DNM2: variants seen among roughly 807,000 people sequenced by gnomAD.
The protein encoded by DNM2 is dynamin-2.
In DNM2, 15 loss-of-function variants were observed where a neutral mutation model predicts 99.0. The observed-to-expected ratio is 0.15, with a 90% CI of 0.10 to 0.23. The LOEUF is 0.23. Ranked by LOEUF, DNM2 falls within the 10% of genes least tolerant of loss-of-function variation. The pLI, the probability that DNM2 is intolerant of heterozygous loss-of-function variation, is 1.00. For missense variants in DNM2, 742 were observed against 1,189.4 expected (o/e 0.62, Z 5.53); for synonymous variants, 525 against 481.2 (o/e 1.09, Z -1.19).
intron 11 of DNM2, among the ~76,000 whole-genome samples, chr19:10,801,912 A>G (rs2072159407): frequency 6.6e-6 from 1 of 151,514 alleles, no homozygotes; most frequent in Non-Finnish European, 1.5e-5. Flanking sequence ...CTCGAAGAAA[A>G]AAAAAAAAAA....
chr19:10,814,703 A>T (rs1415718664), intron 15 of DNM2, among the ~76,000 whole-genome samples: 2 of 151,704 alleles, frequency 1.3e-5, no homozygotes, highest in East Asian at 3.9e-4. Context: ...GCTCCCACGT[A>T]TGAGTGACAA....
At chr19:10,736,476 T>A (rs1461702015) in intron 1 of DNM2, among the ~76,000 whole-genome samples, 1 of 152,208 alleles carries the variant, frequency 6.6e-6, no homozygotes, top group Non-Finnish European at 1.5e-5. Context: ...CTCTTTTTTC[T>A]TGTTTCTCAA....
rs1262645099 is a variant in DNM2, at chr19:10,818,216, C to A, written c.1672-1764C>A. Reference sequence around the variant, plus strand: ...CCCTCCATGGCCACCGGGCCCCTCTCCTATGCTCTGCTCCCTCCATGGCCA... The same window carrying A: ...CCCTCCATGGCCACCGGGCCCCTCTACTATGCTCTGCTCCCTCCATGGCCA... On this transcript the variant is annotated intron_variant, in intron 15 of 20. Coordinates refer to ENST00000389253, the MANE Select transcript of DNM2 (RefSeq NM_001005361.3). The surrounding 1 kb of genome is among the most constrained non-coding windows in gnomAD (Gnocchi z 4.3). Among the ~76,000 whole-genome samples the A allele has an allele frequency of 8.7e-6, 1 of 115,240 alleles. No individual in the cohort carries two copies. The highest frequency in any genetic ancestry group is 3.0e-5 in the African/African-American group (1 of 33,780). The allele number at this position is 115,240 out of a possible 152,430, so 75.6% of individuals were successfully genotyped here.
At chr19:10,806,046 A>C in intron 13 of DNM2, 79 bp downstream of exon 13, 1 of 1,587,206 alleles carries the variant, frequency 6.3e-7, no homozygotes, top group Non-Finnish European at 8.6e-7. Flanking sequence ...CCCGTGATGG[A>C]GCTCGGCCTG....
rs536929041 is a variant in DNM2 at position 10,830,857 on chromosome 19, C to T, written c.2544-121C>T. ...CGACACCCTGGTGGCTTGCGGAGGTCAGCCTGGGAACACCCTGGGGTGGTG... is the reference window on the plus strand; with the variant it reads ...CGACACCCTGGTGGCTTGCGGAGGTTAGCCTGGGAACACCCTGGGGTGGTG... On this transcript the variant is annotated intron_variant, in intron 20 of 20. Transcript: ENST00000389253. The surrounding 1 kb of genome is among the most constrained non-coding windows in gnomAD (Gnocchi z 4.8). 6.4e-6 allele frequency: 8 copies of T among 1,258,946 alleles called. No homozygotes were observed. The highest frequency in any genetic ancestry group is 5.7e-5 in the Admixed American group (2 of 35,046). 78.0% of individuals were successfully genotyped at this position (1,258,946 alleles called of 1,614,324 possible).
In DNM2 at chr19:10,754,251, G is replaced by A. The variant is rs375074610; in HGVS notation, c.162-5487G>A. 9.7e-4 allele frequency among the ~76,000 whole-genome samples: 147 copies of A among 151,532 alleles called. 2 individuals are homozygous for A. Among genetic ancestry groups the A allele is most frequent in the African/African-American group, 3.4e-3 (141 of 41,336 alleles). ...AGATTTCAGTTAGATATAGTTAATC[G>A]CTTAAGTCTTTTTTTTTTTTTTTGA... is the stretch of plus-strand genomic sequence containing the variant. On this transcript the variant is annotated intron_variant, in intron 1 of 20. Transcript: ENST00000389253.
At chr19:10,732,325 G>A (rs1475954712) in intron 1 of DNM2, among the ~76,000 whole-genome samples, 1 of 148,662 alleles carries the variant, frequency 6.7e-6, no homozygotes, top group Non-Finnish European at 1.5e-5. Context: ...AAAACAGGCC[G>A]GGCGGTGGCT....
At position 10,752,767 on chromosome 19, in the gene DNM2, G is replaced by T. The variant is rs907940434; in HGVS notation, c.162-6971G>T. ...AATGGATCCTGTCATGGTTAAATGG[G>T]TTAATAGGCAGGTGCAGTGGGGTCA... On this transcript the variant is annotated intron_variant, in intron 1 of 20. Coordinates refer to ENST00000389253, the MANE Select transcript of DNM2 (RefSeq NM_001005361.3). Among the ~76,000 whole-genome samples the T allele has an allele frequency of 3.9e-5, 6 of 152,316 alleles. No homozygotes were observed. In the South Asian group the frequency reaches 8.3e-4, roughly 21 times the overall value.
At chr19:10,734,735 T>TA (rs2069462752) in intron 1 of DNM2, among the ~76,000 whole-genome samples, 3 of 151,292 alleles carry the variant, frequency 2.0e-5, no homozygotes, top group Non-Finnish European at 4.4e-5. Context: ...TTTTTTTTTT[T>TA]ATCGAGATGG....
chr19:10,764,427 T>A lies in DNM2; in HGVS notation c.235+4616T>A, dbSNP rs550526715. 6.6e-6 allele frequency among the ~76,000 whole-genome samples: 1 copy of A among 152,134 alleles called. No individual in the cohort carries two copies. The highest frequency in any genetic ancestry group is 2.4e-5 in the African/African-American group (1 of 41,420). On this transcript the variant is annotated intron_variant, in intron 2 of 20. Coordinates refer to ENST00000389253, the MANE Select transcript of DNM2 (RefSeq NM_001005361.3). The surrounding 1 kb of genome is among the most constrained non-coding windows in gnomAD (Gnocchi z 4.1). ...CCCAGTGAACCATAACTTCCAGCCA[T>A]AGAAGTTTAAACATTACCTAAGACC...
intron 6 of DNM2, among the ~76,000 whole-genome samples, chr19:10,786,196 G>A (rs1264016617): frequency 6.6e-6 from 1 of 152,186 alleles, no homozygotes; most frequent in Non-Finnish European, 1.5e-5. Context: ...TTTCAGGGGC[G>A]ATCTTTCCAT....
intron 7 of DNM2, among the ~76,000 whole-genome samples, chr19:10,790,856 C>G (rs1206053092): frequency 1.3e-5 from 2 of 151,702 alleles, no homozygotes; most frequent in Admixed American, 6.6e-5. Flanking sequence ...AGCCTCACCA[C>G]TTGGGCTCAG....
rs2070768493 is a variant in DNM2, at chr19:10,765,431, G to A, written c.235+5620G>A. On this transcript the variant is annotated intron_variant, in intron 2 of 20. Transcript: ENST00000389253. This position sits in a 1 kb window ranked among gnomAD's most constrained non-coding sequence, Gnocchi z 4.4. ...TGCCTACTGGGCGGGAAGTGATGGG[G>A]GTTACTTTACCAAGCATCTTCCCCT... is the stretch of plus-strand genomic sequence containing the variant. 6.6e-6 allele frequency among the ~76,000 whole-genome samples: 1 copy of A among 152,182 alleles called. No individual in the cohort carries two copies. The highest frequency in any genetic ancestry group is 2.1e-4 in the South Asian group (1 of 4,828).
At chr19:10,786,522 T>C in intron 6 of DNM2, 42 bp from the exon 7 acceptor site, 1 of 1,613,220 alleles carries the variant, frequency 6.2e-7, no homozygotes, top group Non-Finnish European at 8.5e-7. Flanking sequence ...CCTGGTATCC[T>C]GCCCATGCCA....
chr19:10,773,556 C>A (rs1480205162), intron 3 of DNM2, among the ~76,000 whole-genome samples: 1 of 151,296 alleles, frequency 6.6e-6, no homozygotes, highest in East Asian at 1.9e-4. Flanking sequence ...TCAAGCAATT[C>A]TCTGGCCTCA....
intron 1 of DNM2, among the ~76,000 whole-genome samples, chr19:10,734,844 C>G (rs371211152): frequency 4.7e-5 from 7 of 148,852 alleles, no homozygotes; most frequent in African/African-American, 1.5e-4. Flanking sequence ...ATCTAGTTGT[C>G]GGATCTCCTT....
rs928304702 is a variant in DNM2, at chr19:10,818,011, C to A, written c.1672-1969C>A. Among the ~76,000 whole-genome samples, 9 of 152,112 alleles carry A rather than the reference C, an allele frequency of 5.9e-5. No homozygotes were observed. The highest frequency in any genetic ancestry group is 1.2e-4 in the Non-Finnish European group (8 of 68,004). ...AGGGCAGCAAAGGCCCTTGGGCAAACGTCCGAGCCGGGGGCAGGGCTTCTG... is the reference window on the plus strand; with the variant it reads ...AGGGCAGCAAAGGCCCTTGGGCAAAAGTCCGAGCCGGGGGCAGGGCTTCTG... On this transcript the variant is annotated intron_variant, in intron 15 of 20. Coordinates refer to ENST00000389253, the MANE Select transcript of DNM2 (RefSeq NM_001005361.3). The surrounding 1 kb of genome is among the most constrained non-coding windows in gnomAD (Gnocchi z 4.3).
rs572660211 is a variant in DNM2 at position 10,822,302 on chromosome 19, G to A, written c.1782-1486G>A. On this transcript the variant is annotated intron_variant, in intron 16 of 20. Coordinates refer to ENST00000389253, the MANE Select transcript of DNM2 (RefSeq NM_001005361.3). The stretch of plus-strand genomic sequence containing the variant: ...CCTCCCATGCTCAAGTGATCCTCCC[G>A]CCTCGGCCTCCCGAGTAGCTGGGAC... Among the ~76,000 whole-genome samples the A allele has an allele frequency of 3.5e-3, 526 of 148,818 alleles. 8 individuals carry two copies. The highest frequency in any genetic ancestry group is 8.4e-4 in the Non-Finnish European group (57 of 67,498).
rs768626511 is a variant in DNM2, at chr19:10,830,948, C to T, written c.2544-30C>T. The T allele has an allele frequency of 3.1e-6, 5 of 1,601,016 alleles. No individual in the cohort carries two copies. The Admixed American group carries it at 6.8e-5, about 22-fold the overall frequency. On this transcript the variant is annotated intron_variant, in intron 20 of 20. Coordinates refer to ENST00000389253, the MANE Select transcript of DNM2 (RefSeq NM_001005361.3). The surrounding 1 kb of genome is among the most constrained non-coding windows in gnomAD (Gnocchi z 4.8). ...GCTCCCGGCCTCACTGCCGTCTCCCCCTCCCCACCTGTCTTTATTCTCTTT... is the reference window on the plus strand; with the variant it reads ...GCTCCCGGCCTCACTGCCGTCTCCCTCTCCCCACCTGTCTTTATTCTCTTT...
Sources: gnomAD v4.1 joint callset for allele counts (sites outside exome capture counted in the v4.1 genomes callset) on GRCh38, gnomAD v4.1.1 for gene constraint, Gnocchi (gnomAD v3.1) non-coding constraint, MANE v1.5 for transcripts, NCBI Gene and HGNC (gene_info 2026-07-23, HGNC 2026-07-21) for gene names.